The following ABCG4 variants were observed in gnomAD, a reference collection of about 807,000 sequenced individuals.
ABCG4 encodes the protein ATP binding cassette subfamily G member 4.
In ABCG4, 35 loss-of-function variants were observed where a neutral mutation model predicts 64.6. The ratio of observed to expected loss-of-function variants is 0.54; its 90% CI spans 0.41 to 0.72. The LOEUF (loss-of-function observed/expected upper bound fraction) is 0.72. Ranked by LOEUF, ABCG4 falls within the 30% of genes least tolerant of loss-of-function variation. The pLI, the probability that ABCG4 is intolerant of heterozygous loss-of-function variation, is 0.00. For synonymous variants in ABCG4, 326 were observed against 348.2 expected, an observed-to-expected ratio of 0.94 and a Z score of 0.71; for missense variants, 610 against 846.3, an observed-to-expected ratio of 0.72 and a Z score of 3.46.
rs560835419 is a variant in ABCG4 at position 119,153,905 on chromosome 11, A to G, written c.239-121A>G. 3.5e-5 allele frequency: 29 copies of G among 837,194 alleles called. No individual in the cohort carries two copies. The African/African-American group carries it at 4.7e-4, about 14-fold the overall frequency. 51.9% of individuals were successfully genotyped at this position (837,194 alleles called of 1,614,324 possible). ...GCTATAAGGGTTGTTCCTCCATCCTAACCCAATCACACTGAGTAGGGGCTA... is the reference window on the plus strand; with the variant it reads ...GCTATAAGGGTTGTTCCTCCATCCTGACCCAATCACACTGAGTAGGGGCTA... On this transcript the variant is annotated intron_variant, in intron 2 of 14. Transcript: ENST00000619701.
Position 119,160,959 on chromosome 11 carries a change from G to A in ABCG4, c.1794G>A (p.Pro598=), listed in dbSNP as rs117432650. 0.013 allele frequency: 20,321 copies of A among 1,614,086 alleles called. 153 individuals carry two copies. The highest frequency in any genetic ancestry group is 0.015 in the Non-Finnish European group (18,049 of 1,179,968). The change falls in exon 15 of 15, where the codon CCG becomes CCA. Residue 598 remains proline, a synonymous_variant. Transcript: ENST00000619701. The surrounding 1 kb of genome is among the most constrained non-coding windows in gnomAD (Gnocchi z 4.6). Reference sequence around the variant, plus strand: ...TGACATGTTTAGAGGAACGCTGCCCGTTCCGGGAGCCACAGAGCATCCTCC... The same window carrying A: ...TGACATGTTTAGAGGAACGCTGCCCATTCCGGGAGCCACAGAGCATCCTCC... The part of the protein sequence containing the change: ...GDLTCLEERC[P]FREPQSILRA...
At chr11:119,157,845 G>A (rs932605948) in intron 9 of ABCG4, among the ~76,000 whole-genome samples, 11 of 151,210 alleles carry the variant, frequency 7.3e-5, no homozygotes, top group South Asian at 2.1e-4. Context: ...CAGACTGGGC[G>A]ACAGAGCGAG....
Position 119,156,838 on chromosome 11 carries a change from A to C in ABCG4, c.926-34A>C, listed in dbSNP as rs1948272170. ...GACTTGCCCTTGGGAAGTGAGTGTG[A>C]ATCTAAACTGAGCTCTCCACTCTGT... On this transcript the variant is annotated intron_variant, in intron 8 of 14. Transcript: ENST00000619701. The surrounding 1 kb of genome is among the most constrained non-coding windows in gnomAD (Gnocchi z 5.5). 1.9e-6 allele frequency: 3 copies of C among 1,595,912 alleles called. No individual in the cohort carries two copies. Among genetic ancestry groups the C allele is most frequent in the Non-Finnish European group, 2.6e-6 (3 of 1,169,204 alleles).
At chr11:119,153,226 G>A (rs2135119354) in intron 2 of ABCG4, 1 of 152,880 alleles carries the variant, frequency 6.5e-6, no homozygotes. Context: ...AGCTCAGAGA[G>A]GTTAAGCAAC....
chr11:119,149,232 G>A lies in ABCG4; in HGVS notation c.-144G>A, dbSNP rs933008816. On this transcript the variant is annotated 5_prime_UTR_variant, in exon 1 of 15. Transcript: ENST00000619701. This position sits in a 1 kb window ranked among gnomAD's most constrained non-coding sequence, Gnocchi z 8.3. ...CCCCGCCCCGGCCCCGCCCCGGCCC[G>A]GGCCGCCGGGACCGGGAGCCGGGAC... 1.3e-5 allele frequency: 2 copies of A among 150,710 alleles called. No individual in the cohort carries two copies. Among genetic ancestry groups the A allele is most frequent in the Non-Finnish European group, 3.0e-5 (2 of 67,496 alleles). The allele number at this position is 150,710 out of a possible 1,614,324, so 9.3% of individuals were successfully genotyped here.
chr11:119,161,140 G>A lies in ABCG4; in HGVS notation c.*34G>A. On this transcript the variant is annotated 3_prime_UTR_variant, in exon 15 of 15. Coordinates refer to ENST00000619701, the MANE Select transcript of ABCG4 (RefSeq NM_022169.5). ...CCCAGCCTGTACCCCAGCCCCTGCA[G>A]CAGGAAGCCCCCAGTCCCAGCCCTT... 1 of 1,590,256 alleles carries A rather than the reference G, an allele frequency of 6.3e-7. No homozygotes were observed. The highest frequency in any genetic ancestry group is 8.6e-7 in the Non-Finnish European group (1 of 1,164,212).
Position 119,160,907 on chromosome 11 carries a change from C to T in ABCG4, c.1742C>T (p.Thr581Met), listed in dbSNP as rs1368207364. The T allele has an allele frequency of 7.4e-6, 12 of 1,613,830 alleles. No homozygotes were observed. Among genetic ancestry groups the T allele is most frequent in the Admixed American group, 5.0e-5 (3 of 59,986 alleles). Residue 581 changes from threonine to methionine, a missense_variant, in exon 15 of 15, where the codon ACG becomes ATG. Thr to Met is a moderately conservative substitution (Grantham distance 81). Coordinates refer to ENST00000619701, the MANE Select transcript of ABCG4 (RefSeq NM_022169.5). This position sits in a 1 kb window ranked among gnomAD's most constrained non-coding sequence, Gnocchi z 4.6. ...VRYGFEGVIL[T>M]IYGMERGDLT... is the part of the protein sequence containing the mutation. ...TATGGCTTTGAGGGTGTGATCCTGA[C>T]GATCTATGGCATGGAGCGAGGAGAC...
Position 119,158,183 on chromosome 11 carries a change from TG to T in ABCG4, c.1069-48del. The T allele has an allele frequency of 6.9e-7, 1 of 1,447,962 alleles. No individual in the cohort carries two copies. The highest frequency in any genetic ancestry group is 9.4e-7 in the Non-Finnish European group (1 of 1,064,490). The allele number at this position is 1,447,962 out of a possible 1,614,324, so 89.7% of individuals were successfully genotyped here. On this transcript the variant is annotated intron_variant, in intron 9 of 14. Coordinates refer to ENST00000619701, the MANE Select transcript of ABCG4 (RefSeq NM_022169.5). This position sits in a 1 kb window ranked among gnomAD's most constrained non-coding sequence, Gnocchi z 4.5. ...TTCATTCACTGAGCTGGGTGTTCTGTGGGTGAATGGGGTAGGCTCACCTGAT... is the reference window on the plus strand; with the variant it reads ...TTCATTCACTGAGCTGGGTGTTCTGTGGTGAATGGGGTAGGCTCACCTGAT...
At position 119,160,109 on chromosome 11, in the gene ABCG4, G is replaced by A. The variant is rs1948325670; in HGVS notation, c.1438-118G>A. ...GGGACAGCTTGAACAAGAATGTGGAGGCAGGATGGACACCCTGGGAATAGG... is the reference window on the plus strand; with the variant it reads ...GGGACAGCTTGAACAAGAATGTGGAAGCAGGATGGACACCCTGGGAATAGG... On this transcript the variant is annotated intron_variant, in intron 12 of 14. Transcript: ENST00000619701. This position sits in a 1 kb window ranked among gnomAD's most constrained non-coding sequence, Gnocchi z 4.6. 2 of 1,114,862 alleles carry A rather than the reference G, an allele frequency of 1.8e-6. No homozygotes were observed. The highest frequency in any genetic ancestry group is 3.1e-5 in the African/African-American group (2 of 64,168). The allele number at this position is 1,114,862 out of a possible 1,614,324, so 69.1% of individuals were successfully genotyped here. A position where few individuals can be genotyped will look rare whatever the true frequency, so the allele number is the denominator to read the frequency against.
rs577030486 is a variant in ABCG4 at position 119,154,411 on chromosome 11, C to T, written c.489+19C>T. The T allele has an allele frequency of 2.1e-4, 335 of 1,614,096 alleles. 5 individuals are homozygous for T. The South Asian group carries it at 3.5e-3, about 17-fold the overall frequency. ...CATGATGGTGAGGGCTGGATAGTCA[C>T]CCCTCCTCCCAGCAACCCCCTCTGT... On this transcript the variant is annotated intron_variant, in intron 4 of 14. Coordinates refer to ENST00000619701, the MANE Select transcript of ABCG4 (RefSeq NM_022169.5). The surrounding 1 kb of genome is among the most constrained non-coding windows in gnomAD (Gnocchi z 7.0).
intron 12 of ABCG4, among the ~76,000 whole-genome samples, chr11:119,159,875 C>T (rs1353026507): frequency 1.3e-5 from 2 of 151,976 alleles, no homozygotes; most frequent in African/African-American, 4.8e-5. Context: ...GAGTTGGTAG[C>T]TCATGGGGGA....
At chr11:119,151,901 G>A (rs778555942) in intron 2 of ABCG4, among the ~76,000 whole-genome samples, 50 of 152,252 alleles carry the variant, frequency 3.3e-4, no homozygotes, top group Non-Finnish European at 3.1e-4. Flanking sequence ...CTGCCTACCC[G>A]CTCTTGGCCT....
chr11:119,149,990 G>A lies in ABCG4; in HGVS notation c.25G>A (p.Val9Met), dbSNP rs1312211427. Residue 9 changes from valine to methionine, a missense_variant, in exon 2 of 15, where the codon GTG becomes ATG. Physicochemically the swap from Val to Met is conservative, Grantham distance 21 (BLOSUM62 1). Coordinates refer to ENST00000619701, the MANE Select transcript of ABCG4 (RefSeq NM_022169.5). This position sits in a 1 kb window ranked among gnomAD's most constrained non-coding sequence, Gnocchi z 8.3. MAEKALEAVGCGLGPGAVA... is the reference protein window; with the variant it reads MAEKALEAMGCGLGPGAVA... ...GATGGCGGAGAAGGCGCTGGAGGCC[G>A]TGGGCTGTGGACTAGGGCCGGGGGC... The A allele has an allele frequency of 3.1e-6, 5 of 1,609,330 alleles. No homozygotes were observed. The highest frequency in any genetic ancestry group is 1.3e-5 in the African/African-American group (1 of 74,906).
rs746369885 is a variant in ABCG4, at chr11:119,160,773, C to T, written c.1716-108C>T. The T allele has an allele frequency of 3.8e-5, 57 of 1,496,548 alleles. No homozygotes were observed. Among genetic ancestry groups the T allele is most frequent in the Non-Finnish European group, 4.9e-5 (53 of 1,082,566 alleles). 92.7% of individuals were successfully genotyped at this position (1,496,548 alleles called of 1,614,324 possible). A position where few individuals can be genotyped will look rare whatever the true frequency, so the allele number is the denominator to read the frequency against. On this transcript the variant is annotated intron_variant, in intron 14 of 14. Coordinates refer to ENST00000619701, the MANE Select transcript of ABCG4 (RefSeq NM_022169.5). This position sits in a 1 kb window ranked among gnomAD's most constrained non-coding sequence, Gnocchi z 4.6. ...CCCCATTATCCTTTGGGCAGGGGCA[C>T]CCTGGCTGCACCCCAGGGATGACAG...
At position 119,155,397 on chromosome 11, in the gene ABCG4, C is replaced by T. The variant is rs371619459; in HGVS notation, c.686+482C>T. On this transcript the variant is annotated intron_variant, in intron 6 of 14. Transcript: ENST00000619701. This position sits in a 1 kb window ranked among gnomAD's most constrained non-coding sequence, Gnocchi z 4.5. ...AGTGCAGTGGCACAATCTCGGCTCACTGCAACCTCTGACTCCCGGGTTCAA... is the reference window on the plus strand; with the variant it reads ...AGTGCAGTGGCACAATCTCGGCTCATTGCAACCTCTGACTCCCGGGTTCAA... 9.9e-5 allele frequency among the ~76,000 whole-genome samples: 15 copies of T among 152,200 alleles called. No individual in the cohort carries two copies. Among genetic ancestry groups the T allele is most frequent in the Non-Finnish European group, 2.1e-4 (14 of 68,040 alleles).
rs202183518 is a variant in ABCG4, at chr11:119,156,342, G to T, written c.700G>T (p.Ala234Ser). The T allele has an allele frequency of 6.2e-7, 1 of 1,614,162 alleles. No individual in the cohort carries two copies. Among genetic ancestry groups the T allele is most frequent in the African/African-American group, 1.3e-5 (1 of 75,024 alleles). Reference protein sequence around the residue: ...FDEPTSGLDSASCFQVVSLMK... With the variant: ...FDEPTSGLDSSSCFQVVSLMK... ...CTCTCTGGACAGTGGTCTGGATAGC[G>T]CCTCTTGTTTCCAAGTGGTGTCCCT... The change falls in exon 7 of 15, where the codon GCC becomes TCC. Residue 234 changes from alanine (A) to serine (S), a missense_variant. Physicochemically the swap from Ala to Ser is moderately conservative, Grantham distance 99. Transcript: ENST00000619701. The surrounding 1 kb of genome is among the most constrained non-coding windows in gnomAD (Gnocchi z 5.5).
In ABCG4 at chr11:119,160,526, C is replaced by A. The variant is rs1031949705; in HGVS notation, c.1597-12C>A. On this transcript the variant is annotated splice_polypyrimidine_tract_variant and intron_variant, in intron 13 of 14. Coordinates refer to ENST00000619701, the MANE Select transcript of ABCG4 (RefSeq NM_022169.5). The surrounding 1 kb of genome is among the most constrained non-coding windows in gnomAD (Gnocchi z 4.6). ...CCCCTATGATGGCCTGGCCCCCTCC[C>A]TTCCCCTCTAGGTGGCCACTTTTGT... is the stretch of plus-strand genomic sequence containing the variant. 6.2e-7 allele frequency: 1 copy of A among 1,608,118 alleles called. No individual in the cohort carries two copies. Among genetic ancestry groups the A allele is most frequent in the Non-Finnish European group, 8.5e-7 (1 of 1,178,560 alleles).
In ABCG4 at chr11:119,160,211, C is replaced by G. The variant is rs200475405; in HGVS notation, c.1438-16C>G. 1.9e-6 allele frequency: 3 copies of G among 1,600,240 alleles called. No homozygotes were observed. The highest frequency in any genetic ancestry group is 3.4e-5 in the Admixed American group (2 of 59,656). On this transcript the variant is annotated splice_polypyrimidine_tract_variant and intron_variant, in intron 12 of 14. Coordinates refer to ENST00000619701, the MANE Select transcript of ABCG4 (RefSeq NM_022169.5). This position sits in a 1 kb window ranked among gnomAD's most constrained non-coding sequence, Gnocchi z 4.6. ...CTGGCTTGAAGTCCACTGTCCAGCC[C>G]GTGCCCACTCCCCAGGTGGTGTGTC... is the stretch of plus-strand genomic sequence containing the variant.
Position 119,149,991 on chromosome 11 carries a change from T to G in ABCG4, c.26T>G (p.Val9Gly). The G allele has an allele frequency of 6.2e-7, 1 of 1,609,398 alleles. No homozygotes were observed. The highest frequency in any genetic ancestry group is 8.5e-7 in the Non-Finnish European group (1 of 1,179,782). The change falls in exon 2 of 15, where the codon GTG becomes GGG. Residue 9 changes from valine to glycine, a missense_variant. Physicochemically the swap from Val to Gly is moderately radical, Grantham distance 109 (BLOSUM62 -3). Transcript: ENST00000619701. This position sits in a 1 kb window ranked among gnomAD's most constrained non-coding sequence, Gnocchi z 8.3. ...ATGGCGGAGAAGGCGCTGGAGGCCGTGGGCTGTGGACTAGGGCCGGGGGCT... is the reference window on the plus strand; with the variant it reads ...ATGGCGGAGAAGGCGCTGGAGGCCGGGGGCTGTGGACTAGGGCCGGGGGCT... The part of the protein sequence containing the change: MAEKALEA[V>G]GCGLGPGAVA...
Sources: gnomAD v4.1 joint callset for allele counts (sites outside exome capture counted in the v4.1 genomes callset) on GRCh38, gnomAD v4.1.1 for gene constraint, Gnocchi (gnomAD v3.1) non-coding constraint, MANE v1.5 for transcripts, NCBI Gene and HGNC (gene_info 2026-07-23, HGNC 2026-07-21) for gene names.